Variants in SLC4A10 observed in about 807,000 individuals in gnomAD.
SLC4A10 encodes solute carrier family 4 member 10.
A neutral mutation model predicts 137.7 loss-of-function variants in SLC4A10; 42 were observed. The observed-to-expected ratio is 0.30, with a 90% CI of 0.24 to 0.39. The LOEUF (loss-of-function observed/expected upper bound fraction) is 0.39. SLC4A10 is among the 10% of genes least tolerant of loss of function. SLC4A10 has a pLI of 1.00. For synonymous variants in SLC4A10, 474 were observed against 464.1 expected, an observed-to-expected ratio of 1.02 and a Z score of -0.27; for missense variants, 925 against 1,355.0, an observed-to-expected ratio of 0.68 and a Z score of 4.98.
intron 5 of SLC4A10, among the ~76,000 whole-genome samples, chr2:161,858,337 C>T (rs573178557): frequency 5.3e-5 from 8 of 152,094 alleles, no homozygotes; most frequent in South Asian, 2.1e-4. Context: ...TTAACAGACT[C>T]GGATAATTCC....
At position 161,674,229 on chromosome 2, in the gene SLC4A10, T is replaced by C. The variant is rs1248160444; in HGVS notation, c.48+49663T>C. The stretch of plus-strand genomic sequence containing the variant: ...TGAATTTGAAATACTCCTAGATGTG[T>C]GACTTGAGAAAAATATCTTAATCTC... On this transcript the variant is annotated intron_variant, in intron 1 of 26. Coordinates refer to ENST00000446997, the MANE Select transcript of SLC4A10 (RefSeq NM_001178015.2). Among the ~76,000 whole-genome samples, 3 of 152,162 alleles carry C rather than the reference T, an allele frequency of 2.0e-5. No homozygotes were observed. The East Asian group carries it at 5.8e-4, about 29-fold the overall frequency.
chr2:161,639,839 GT>G (rs1173699890), intron 1 of SLC4A10, among the ~76,000 whole-genome samples: 2 of 152,126 alleles, frequency 1.3e-5, no homozygotes, highest in Non-Finnish European at 2.9e-5. Context: ...ACTTGTCCCT[GT>G]TTGCAGACTA....
chr2:161,715,277 A>T (rs955021596), intron 1 of SLC4A10, among the ~76,000 whole-genome samples: 1 of 152,042 alleles, frequency 6.6e-6, no homozygotes, highest in Non-Finnish European at 1.5e-5. Flanking sequence ...CTAAATGCCA[A>T]ATTGAGACTA....
chr2:161,791,217 A>G (rs2054170102), intron 2 of SLC4A10, among the ~76,000 whole-genome samples: 1 of 152,184 alleles, frequency 6.6e-6, no homozygotes, highest in Non-Finnish European at 1.5e-5. Flanking sequence ...GAACCAACTA[A>G]AATGCCCATC....
chr2:161,716,759 T>G (rs1181392795), intron 1 of SLC4A10, among the ~76,000 whole-genome samples: 1 of 152,174 alleles, frequency 6.6e-6, no homozygotes. Context: ...AGCTTTATTC[T>G]TTTTTCCTTA....
At chr2:161,775,006 A>G (rs2125440930) in intron 2 of SLC4A10, among the ~76,000 whole-genome samples, 1 of 152,008 alleles carries the variant, frequency 6.6e-6, no homozygotes, top group Admixed American at 6.6e-5. Context: ...GTAGTGGCTT[A>G]GGGGACTCTA....
chr2:161,975,733 C>T (rs781436808), intron 24 of SLC4A10, among the ~76,000 whole-genome samples: 2 of 152,112 alleles, frequency 1.3e-5, no homozygotes, highest in Non-Finnish European at 1.5e-5. Flanking sequence ...TATGAAAAGG[C>T]GGCATTTGAA....
At chr2:161,849,344 G>A (rs767593140) in intron 4 of SLC4A10, among the ~76,000 whole-genome samples, 4 of 152,028 alleles carry the variant, frequency 2.6e-5, no homozygotes, top group Non-Finnish European at 2.9e-5. Flanking sequence ...TATCATTTGC[G>A]AAGAGAGATG....
chr2:161,662,224 A>T (rs2038513968), intron 1 of SLC4A10, among the ~76,000 whole-genome samples: 1 of 152,150 alleles, frequency 6.6e-6, no homozygotes, highest in Admixed American at 6.5e-5. Flanking sequence ...ACGGTAAAAA[A>T]AATATTGCTT....
At chr2:161,767,516 T>C (rs1193291110) in intron 1 of SLC4A10, among the ~76,000 whole-genome samples, 1 of 151,684 alleles carries the variant, frequency 6.6e-6, no homozygotes, top group Non-Finnish European at 1.5e-5. Flanking sequence ...TGGAAACAGA[T>C]TGTTAATGTC....
chr2:161,964,194 C>T lies in SLC4A10; in HGVS notation c.2922C>T (p.Tyr974=). 6.2e-7 allele frequency: 1 copy of T among 1,613,200 alleles called. No homozygotes were observed. The highest frequency in any genetic ancestry group is 8.5e-7 in the Non-Finnish European group (1 of 1,179,480). ...MPAKHQPDFI[Y]LRHVPLRKVH... The stretch of plus-strand genomic sequence containing the variant: ...CAAAACATCAACCAGATTTTATATA[C>T]CTAAGGCACGTACCGCTTCGAAAAG... The change falls in exon 22 of 27, where the codon TAC becomes TAT. Residue 974 remains tyrosine, a synonymous_variant. Coordinates refer to ENST00000446997, the MANE Select transcript of SLC4A10 (RefSeq NM_001178015.2).
intron 15 of SLC4A10, among the ~76,000 whole-genome samples, chr2:161,914,653 AT>A (rs79100353): frequency 0.091 from 13,578 of 148,748 alleles, 733 homozygotes; most frequent in East Asian, 0.15. Flanking sequence ...CTCATGGAAG[AT>A]TTTTTTTTTT....
chr2:161,714,316 G>C (rs2044610123), intron 1 of SLC4A10, among the ~76,000 whole-genome samples: 1 of 151,818 alleles, frequency 6.6e-6, no homozygotes, highest in South Asian at 2.1e-4. Flanking sequence ...AAGAAACCTT[G>C]AATATCATTG....
intron 10 of SLC4A10, among the ~76,000 whole-genome samples, chr2:161,883,721 C>T (rs1026795854): frequency 2.0e-5 from 3 of 152,102 alleles, no homozygotes; most frequent in African/African-American, 7.2e-5. Flanking sequence ...TTGGTCTTCC[C>T]TGGCTTGTGG....
chr2:161,844,430 T>C (rs974566415), intron 4 of SLC4A10, among the ~76,000 whole-genome samples: 3 of 152,022 alleles, frequency 2.0e-5, no homozygotes, highest in African/African-American at 7.2e-5. Flanking sequence ...TGACTATAGG[T>C]ATTCTTTGAT....
chr2:161,833,890 T>C (rs1289856968), intron 3 of SLC4A10, among the ~76,000 whole-genome samples: 1 of 152,236 alleles, frequency 6.6e-6, no homozygotes, highest in African/African-American at 2.4e-5. Context: ...TCTCACCTCC[T>C]TCTGGTGCAC....
intron 15 of SLC4A10, among the ~76,000 whole-genome samples, chr2:161,920,363 A>G (rs2105494563): frequency 6.6e-6 from 1 of 152,312 alleles, no homozygotes; most frequent in Middle Eastern, 3.4e-3. Flanking sequence ...GTAAGTCCCT[A>G]AGAACAACCT....
chr2:161,882,223 A>G, intron 9 of SLC4A10, 134 bp from the exon 10 acceptor site: 1 of 552,898 alleles, frequency 1.8e-6, no homozygotes, highest in Non-Finnish European at 3.1e-6. Flanking sequence ...ATAATAATGA[A>G]CTATGAAAAA....
At chr2:161,652,934 G>A (rs1459506549) in intron 1 of SLC4A10, among the ~76,000 whole-genome samples, 1 of 151,854 alleles carries the variant, frequency 6.6e-6, no homozygotes, top group Admixed American at 6.6e-5. Context: ...CACGTGCCAT[G>A]GTGGTTTGCT....
Sources: allele counts gnomAD v4.1 joint callset (sites outside exome capture counted in the v4.1 genomes callset), GRCh38; gene constraint gnomAD v4.1.1; transcripts MANE v1.5; gene names NCBI Gene and HGNC (gene_info 2026-07-23, HGNC 2026-07-21).